Variants in ADAMTSL1 observed in about 807,000 individuals in gnomAD.
ADAMTSL1 encodes ADAMTS-like protein 1.
In ADAMTSL1, 126 loss-of-function variants were observed where a neutral mutation model predicts 201.8. The ratio of observed to expected loss-of-function variants is 0.62; its 90% CI spans 0.54 to 0.72. The LOEUF is 0.72. Among genes scored for constraint, ADAMTSL1 ranks in the 30% least tolerant of loss-of-function variants. The pLI is 0.00. For missense variants in ADAMTSL1, 2,679 were observed against 2,277.8 expected (o/e 1.18, Z -3.59); for synonymous variants, 1,121 against 903.4 (o/e 1.24, Z -4.32).
At chr9:18,368,064 TA>T (rs1057347868) in intron 2 of ADAMTSL1, among the ~76,000 whole-genome samples, 2 of 146,662 alleles carry the variant, frequency 1.4e-5, no homozygotes, top group Non-Finnish European at 3.0e-5. Context: ...CACGCCAGGC[TA>T]ATTTTTTTTT....
chr9:18,339,785 C>A (rs560167192), intron 2 of ADAMTSL1, among the ~76,000 whole-genome samples: 1 of 152,182 alleles, frequency 6.6e-6, no homozygotes, highest in African/African-American at 2.4e-5. Context: ...TATCTGCTGG[C>A]TCCTTCCTAC....
At chr9:18,842,398 A>T (rs1825778613) in intron 23 of ADAMTSL1, among the ~76,000 whole-genome samples, 1 of 152,106 alleles carries the variant, frequency 6.6e-6, no homozygotes, top group Admixed American at 6.6e-5. Context: ...CTGTGGTCTG[A>T]GGGACAGTTT....
At chr9:17,987,792 G>C (rs1266975625) in intron 1 of ADAMTSL1, among the ~76,000 whole-genome samples, 1 of 152,036 alleles carries the variant, frequency 6.6e-6, no homozygotes, top group Admixed American at 6.6e-5. Flanking sequence ...TTCCCTAAAT[G>C]TGTTGCTTGA....
upstream of ADAMTSL1, among the ~76,000 whole-genome samples, chr9:18,472,777 A>G (rs1821268472): frequency 6.6e-6 from 1 of 152,226 alleles, no homozygotes; most frequent in Admixed American, 6.5e-5. Context: ...TCCACTGCAT[A>G]TATTTCTGGG....
intron 1 of ADAMTSL1, among the ~76,000 whole-genome samples, chr9:17,911,414 C>G (rs116026204): frequency 0.039 from 2,685 of 68,556 alleles, 713 homozygotes; most frequent in African/African-American, 0.075. Flanking sequence ...CACTGTAAAA[C>G]GAAGAAGGCT....
intron 22 of ADAMTSL1, 148 bp from the exon 23 acceptor site, chr9:18,829,695 A>T (rs1211036275): frequency 9.1e-7 from 1 of 1,103,706 alleles, no homozygotes; most frequent in African/African-American, 1.6e-5. Flanking sequence ...ACTCCTCTAT[A>T]GGAAAAATAA....
At position 18,097,360 on chromosome 9, in the gene ADAMTSL1, G is replaced by GT. The variant is rs1190653456; in HGVS notation, c.88-66501dup. Reference sequence around the variant, plus strand: ...TTTGGCTATTTCTGAGATTTTAGCAGTAACACTGCTATTAACTTCAGTGTA... The same window carrying GT: ...TTTGGCTATTTCTGAGATTTTAGCAGTTAACACTGCTATTAACTTCAGTGTA... On this transcript the variant is annotated intron_variant, in intron 1 of 29. Transcript: ENST00000680146. 1.3e-5 allele frequency among the ~76,000 whole-genome samples: 2 copies of GT among 152,198 alleles called. 1 individual carries two copies. The highest frequency in any genetic ancestry group is 4.1e-4 in the South Asian group (2 of 4,836).
At chr9:18,230,868 T>C (rs916062468) in intron 2 of ADAMTSL1, among the ~76,000 whole-genome samples, 1 of 152,220 alleles carries the variant, frequency 6.6e-6, no homozygotes, top group Non-Finnish European at 1.5e-5. Context: ...ATGTATTTTA[T>C]ATTAAATGAG....
At chr9:18,558,723 T>A (rs1463539295) in intron 3 of ADAMTSL1, among the ~76,000 whole-genome samples, 1 of 152,216 alleles carries the variant, frequency 6.6e-6, no homozygotes, top group African/African-American at 2.4e-5. Flanking sequence ...TGATATGGTA[T>A]CTCATTATAG....
intron 3 of ADAMTSL1, among the ~76,000 whole-genome samples, chr9:18,533,626 A>C (rs1252876039): frequency 6.6e-6 from 1 of 152,210 alleles, no homozygotes; most frequent in African/African-American, 2.4e-5. Flanking sequence ...TGAAATAAAT[A>C]TTTGTAAATC....
rs1431576714 is a variant in ADAMTSL1, at chr9:18,446,349, G to A, written c.208-58480G>A. Among the ~76,000 whole-genome samples the A allele has an allele frequency of 2.0e-5, 3 of 152,264 alleles. No homozygotes were observed. The South Asian group carries it at 6.2e-4, about 32-fold the overall frequency. ...GTCTAGATTCGTGCTGGTATACTTG[G>A]TTTTCTGAAAGCATTTAAAGGCATG... On this transcript the variant is annotated intron_variant, in intron 2 of 29. Coordinates refer to the ADAMTSL1 transcript ENST00000680146.
At chr9:18,125,989 G>A (rs1448357666) in intron 1 of ADAMTSL1, among the ~76,000 whole-genome samples, 2 of 152,142 alleles carry the variant, frequency 1.3e-5, no homozygotes, top group Non-Finnish European at 2.9e-5. Flanking sequence ...CAACTAGAGT[G>A]TGAACATCAT....
intron 2 of ADAMTSL1, among the ~76,000 whole-genome samples, chr9:18,352,618 G>A (rs1208349423): frequency 1.3e-5 from 2 of 152,094 alleles, no homozygotes; most frequent in Non-Finnish European, 2.9e-5. Flanking sequence ...CTTTGCCTTT[G>A]TACTTTATTA....
intron 1 of ADAMTSL1, among the ~76,000 whole-genome samples, chr9:18,103,566 A>C (rs1008408785): frequency 6.6e-6 from 1 of 152,210 alleles, no homozygotes; most frequent in Admixed American, 6.5e-5. Flanking sequence ...TGGGCAATAC[A>C]GGATGATATG....
intron 21 of ADAMTSL1, among the ~76,000 whole-genome samples, chr9:18,824,572 C>G (rs893860636): frequency 2.0e-5 from 3 of 152,126 alleles, no homozygotes; most frequent in African/African-American, 7.2e-5. Context: ...TAAGGGCAAA[C>G]TGCCCTTGCC....
chr9:18,209,932 T>A (rs1829799910), intron 2 of ADAMTSL1, among the ~76,000 whole-genome samples: 1 of 152,136 alleles, frequency 6.6e-6, no homozygotes, highest in Admixed American at 6.6e-5. Flanking sequence ...ACAATAGATG[T>A]GCCTTGCCAG....
chr9:18,361,259 A>G (rs1452883316), intron 2 of ADAMTSL1, among the ~76,000 whole-genome samples: 1 of 152,226 alleles, frequency 6.6e-6, no homozygotes, highest in East Asian at 1.9e-4. Flanking sequence ...CACATTATAG[A>G]AAATTTGGAA....
chr9:18,135,288 T>A (rs1476700957), intron 1 of ADAMTSL1, among the ~76,000 whole-genome samples: 1 of 152,132 alleles, frequency 6.6e-6, no homozygotes, highest in Non-Finnish European at 1.5e-5. Flanking sequence ...CATATCAAGT[T>A]TTCAAGGATA....
intron 2 of ADAMTSL1, among the ~76,000 whole-genome samples, chr9:18,315,993 A>G (rs985672131): frequency 2.0e-5 from 3 of 152,214 alleles, no homozygotes; most frequent in African/African-American, 7.2e-5. Context: ...ATAAAGGGAC[A>G]GAGTACAAAA....
Sources: allele counts gnomAD v4.1 joint callset (sites outside exome capture counted in the v4.1 genomes callset), GRCh38; gene constraint gnomAD v4.1.1; transcripts MANE v1.5; gene names NCBI Gene and HGNC (gene_info 2026-07-23, HGNC 2026-07-21).